Variants in CSMD2 observed in about 807,000 individuals in gnomAD.
CSMD2 encodes the protein CUB and Sushi multiple domains 2.
Under a neutral mutation model 398.5 loss-of-function variants are expected in CSMD2, and 130 were observed. That is an observed-to-expected ratio of 0.33 (90% CI 0.28 to 0.38). The LOEUF is 0.38. Ranked by LOEUF, CSMD2 falls within the 10% of genes least tolerant of loss-of-function variation. The pLI is 1.00. For synonymous variants in CSMD2, 1,828 were observed against 1,908.5 expected, an observed-to-expected ratio of 0.96 and a Z score of 1.10; for missense variants, 3,829 against 4,764.9, an observed-to-expected ratio of 0.80 and a Z score of 5.78.
rs750951826 is a variant in CSMD2 at position 33,716,368 on chromosome 1, C to A, written c.3135G>T (p.Gly1045=). The change falls in exon 20 of 71, where the codon GGG becomes GGT. Residue 1045 remains glycine, a synonymous_variant. Coordinates refer to ENST00000373381, the MANE Select transcript of CSMD2 (RefSeq NM_001281956.2). ...GSRLPAPISA[G]LYGNFTAQVR... ...CCTGGGCAGTGAAGTTGCCATAGAGCCCAGCGCTGATGGGAGCTGGCAGCC... is the reference window on the plus strand; with the variant it reads ...CCTGGGCAGTGAAGTTGCCATAGAGACCAGCGCTGATGGGAGCTGGCAGCC... 2.5e-6 allele frequency: 4 copies of A among 1,613,998 alleles called. No individual in the cohort carries two copies. The East Asian group carries it at 8.9e-5, about 36-fold the overall frequency.
At chr1:33,605,616 C>T (rs1273931894) in intron 41 of CSMD2, 146 bp from the exon 42 acceptor site, 1 of 844,880 alleles carries the variant, frequency 1.2e-6, no homozygotes, top group Non-Finnish European at 1.8e-6. Context: ...AGTAATTTAA[C>T]TTGTGTACGC....
At chr1:33,907,598 G>A (rs1409798341) in intron 5 of CSMD2, among the ~76,000 whole-genome samples, 1 of 152,056 alleles carries the variant, frequency 6.6e-6, no homozygotes, top group Admixed American at 6.5e-5. Context: ...GATCTACCTC[G>A]TCCATGAAGC....
intron 3 of CSMD2, among the ~76,000 whole-genome samples, chr1:34,028,900 G>C (rs974304979): frequency 6.6e-6 from 1 of 152,096 alleles, no homozygotes; most frequent in Non-Finnish European, 1.5e-5. Flanking sequence ...TTTTCCTTGC[G>C]GCGGCAGCAG....
chr1:33,875,936 T>C (rs1052130189), intron 5 of CSMD2, among the ~76,000 whole-genome samples: 3 of 152,186 alleles, frequency 2.0e-5, no homozygotes, highest in Admixed American at 6.5e-5. Flanking sequence ...TTGTCCGGCA[T>C]TGACATTCAG....
chr1:34,165,578 CT>C (rs1288069101), upstream of CSMD2, among the ~76,000 whole-genome samples: 2 of 151,174 alleles, frequency 1.3e-5, no homozygotes, highest in South Asian at 2.1e-4. Context: ...ATACACCCCC[CT>C]CTCCACACAC....
intron 25 of CSMD2, among the ~76,000 whole-genome samples, chr1:33,664,529 C>T (rs1411014168): frequency 5.9e-5 from 9 of 152,102 alleles, no homozygotes; most frequent in East Asian, 1.9e-4. Context: ...AGGCCAGGAG[C>T]GGTGGCTCAT....
Position 33,605,921 on chromosome 1 carries a change from G to A in CSMD2, c.6344-451C>T, listed in dbSNP as rs117594187. 8.5e-4 allele frequency: 1,367 copies of A among 1,613,886 alleles called. 21 individuals carry two copies. The East Asian group carries it at 0.022, about 25-fold the overall frequency. On this transcript the variant is annotated intron_variant, in intron 41 of 70. Transcript: ENST00000373381. ...AAGCGGCGACGGGAGGAGTTGAGTT[G>A]GTTCTTTCCAACTCCGAGAGATCAA... is the stretch of plus-strand genomic sequence containing the variant.
intron 6 of CSMD2, among the ~76,000 whole-genome samples, chr1:33,829,999 A>C (rs953572895): frequency 4.6e-5 from 7 of 152,256 alleles, no homozygotes; most frequent in Admixed American, 3.9e-4. Flanking sequence ...TAAACAAAGC[A>C]GCTGGGAAGC....
At chr1:33,536,137 T>A (rs116507862) in intron 62 of CSMD2, among the ~76,000 whole-genome samples, 1,801 of 152,320 alleles carry the variant, frequency 0.012, 48 homozygotes, top group African/African-American at 0.041. Flanking sequence ...CAGCCTGTCA[T>A]GTCCAGGTGA....
intron 25 of CSMD2, among the ~76,000 whole-genome samples, chr1:33,682,145 C>T (rs373182375): frequency 2.6e-4 from 40 of 152,160 alleles, no homozygotes; most frequent in Non-Finnish European, 4.4e-4. Context: ...TGCTGGCATT[C>T]GTTGGCTTAT....
intron 53 of CSMD2, among the ~76,000 whole-genome samples, chr1:33,563,786 C>T (rs577513007): frequency 6.6e-6 from 1 of 152,112 alleles, no homozygotes; most frequent in East Asian, 1.9e-4. Context: ...GCAGAATTGT[C>T]AAACAGCTGT....
At chr1:34,108,902 C>T (rs1019469331) in intron 1 of CSMD2, among the ~76,000 whole-genome samples, 2 of 152,156 alleles carry the variant, frequency 1.3e-5, no homozygotes, top group Admixed American at 6.5e-5. Context: ...TAGCCAATGA[C>T]ACAGAGGAGG....
chr1:33,872,064 C>A (rs915264816), intron 5 of CSMD2, among the ~76,000 whole-genome samples: 1 of 152,204 alleles, frequency 6.6e-6, no homozygotes, highest in African/African-American at 2.4e-5. Context: ...CTTTCCAGCA[C>A]ATGACATTTG....
chr1:33,753,845 T>C (rs1648610757), intron 13 of CSMD2, among the ~76,000 whole-genome samples: 1 of 152,202 alleles, frequency 6.6e-6, no homozygotes, highest in South Asian at 2.1e-4. Context: ...CCTTGCTGGG[T>C]TTTAGAACTG....
intron 15 of CSMD2, among the ~76,000 whole-genome samples, chr1:33,731,689 A>T (rs908065176): frequency 6.6e-6 from 1 of 152,350 alleles, no homozygotes; most frequent in Non-Finnish European, 1.5e-5. Context: ...GACTTGAGAC[A>T]TATCAGCCAA....
At chr1:33,570,166 C>CTTTTTTTTTT (rs5773416) in intron 51 of CSMD2, among the ~76,000 whole-genome samples, 4 of 117,294 alleles carry the variant, frequency 3.4e-5, no homozygotes, top group Non-Finnish European at 7.0e-5. Context: ...CGGACATTGG[C>CTTTTTTTTTT]TTTTTTTTTT....
intron 3 of CSMD2, among the ~76,000 whole-genome samples, chr1:33,962,425 A>G (rs1645395479): frequency 6.8e-6 from 1 of 146,212 alleles, no homozygotes; most frequent in South Asian, 2.3e-4. Context: ...GCTCTGTGGA[A>G]TCCAGCCACT....
chr1:34,061,941 T>C (rs925863697), intron 2 of CSMD2, among the ~76,000 whole-genome samples: 3 of 152,180 alleles, frequency 2.0e-5, no homozygotes, highest in Non-Finnish European at 4.4e-5. Context: ...GAGGCAATGG[T>C]TGGGTCAGCT....
chr1:33,922,378 G>T (rs2125295628), intron 4 of CSMD2, among the ~76,000 whole-genome samples: 1 of 152,202 alleles, frequency 6.6e-6, no homozygotes, highest in Admixed American at 6.5e-5. Context: ...GGAGGGAGTG[G>T]CTCAGGAGCA....
Sources: allele counts gnomAD v4.1 joint callset (sites outside exome capture counted in the v4.1 genomes callset), GRCh38; gene constraint gnomAD v4.1.1; transcripts MANE v1.5; gene names NCBI Gene and HGNC (gene_info 2026-07-23, HGNC 2026-07-21).